SLC24A1: variants seen among roughly 807,000 people sequenced by gnomAD.
The protein encoded by SLC24A1 is solute carrier family 24 member 1, also known as sodium/potassium/calcium exchanger 1.
Under a neutral mutation model 88.1 loss-of-function variants are expected in SLC24A1, and 52 were observed. The ratio of observed to expected loss-of-function variants is 0.59; its 90% CI spans 0.47 to 0.74. The LOEUF (loss-of-function observed/expected upper bound fraction) is 0.74, where lower values mean the gene tolerates loss of function less well. Among genes scored for constraint, SLC24A1 ranks in the 30% least tolerant of loss-of-function variants. The pLI is 0.00. For synonymous variants in SLC24A1, 455 were observed against 498.0 expected (o/e 0.91, Z 1.15); for missense variants, 1,173 against 1,363.3 (o/e 0.86, Z 2.20).
rs564702509 is a variant in SLC24A1 at position 65,639,514 on chromosome 15, G to A, written c.1945-81G>A. On this transcript the variant is annotated intron_variant, in intron 3 of 9. Coordinates refer to ENST00000261892, the MANE Select transcript of SLC24A1 (RefSeq NM_004727.3). Reference sequence around the variant, plus strand: ...CTTTCTCCCTGATCTTTATGGGAAAGAGGCAAGGTTAGTGATGCCCTCGTG... The same window carrying A: ...CTTTCTCCCTGATCTTTATGGGAAAAAGGCAAGGTTAGTGATGCCCTCGTG... The A allele has an allele frequency of 2.3e-5, 19 of 821,570 alleles. No homozygotes were observed. The African/African-American group carries it at 2.9e-4, about 12-fold the overall frequency. The allele number at this position is 821,570 out of a possible 1,614,324, so 50.9% of individuals were successfully genotyped here.
rs75137628 is a variant in SLC24A1 at position 65,654,707 on chromosome 15, CTTTTTTTT to C, written c.*636_*643del. On this transcript the variant is annotated 3_prime_UTR_variant, in exon 10 of 10. Coordinates refer to ENST00000261892, the MANE Select transcript of SLC24A1 (RefSeq NM_004727.3). Reference sequence around the variant, plus strand: ...GCATCTGGATATATACCAGTATTTTCTTTTTTTTTTTTTTTGAGACAGAGTTTGGCTCT... The same window carrying C: ...GCATCTGGATATATACCAGTATTTTCTTTTTTTGAGACAGAGTTTGGCTCT... 2.5e-5 allele frequency: 28 copies of C among 1,120,208 alleles called. No individual in the cohort carries two copies. Among genetic ancestry groups the C allele is most frequent in the African/African-American group, 5.1e-5 (3 of 58,288 alleles). 69.4% of individuals were successfully genotyped at this position (1,120,208 alleles called of 1,614,324 possible). A position where few individuals can be genotyped will look rare whatever the true frequency, so the allele number is the denominator to read the frequency against.
In SLC24A1 at chr15:65,650,498, T is replaced by C. The variant is rs886051351; in HGVS notation, c.2349T>C (p.Gly783=). 116 of 1,550,788 alleles carry C rather than the reference T, an allele frequency of 7.5e-5. No individual in the cohort carries two copies. The highest frequency in any genetic ancestry group is 9.8e-5 in the Non-Finnish European group (112 of 1,146,860). ...SGGETQPEGE[G]ETETQGKGEE... is the part of the protein sequence containing the mutation. ...GTGAAACTCAACCAGAAGGTGAAGG[T>C]GAAACTGAAACACAAGGAAAAGGAG... is the stretch of plus-strand genomic sequence containing the variant. The change falls in exon 7 of 10, where the codon GGT becomes GGC. Residue 783 remains glycine, a synonymous_variant. Transcript: ENST00000261892. The surrounding 1 kb of genome is among the most constrained non-coding windows in gnomAD (Gnocchi z 4.1).
At position 65,650,677 on chromosome 15, in the gene SLC24A1, A is replaced by C; in HGVS notation, c.2528A>C (p.Asn843Thr). The C allele has an allele frequency of 6.5e-7, 1 of 1,547,222 alleles. No individual in the cohort carries two copies. The highest frequency in any genetic ancestry group is 1.2e-5 in the South Asian group (1 of 83,524). ...GCTGAAAATCACGGTGAAGCCAAAA[A>C]TGATGAGAAAGGTGTAGAAGATGGA... is the stretch of plus-strand genomic sequence containing the variant. ...LSAENHGEAKNDEKGVEDGGG... is the reference protein window; with the variant it reads ...LSAENHGEAKTDEKGVEDGGG... Residue 843 changes from asparagine to threonine, a missense_variant, in exon 7 of 10, where the codon AAT (asparagine) becomes ACT (threonine). By Grantham distance (65) the Asn-to-Thr change is moderately conservative. Transcript: ENST00000261892. The surrounding 1 kb of genome is among the most constrained non-coding windows in gnomAD (Gnocchi z 4.1).
chr15:65,624,889 C>G lies in SLC24A1; in HGVS notation c.809C>G (p.Thr270Ser). The G allele has an allele frequency of 6.2e-7, 1 of 1,614,016 alleles. No homozygotes were observed. Among genetic ancestry groups the G allele is most frequent in the Non-Finnish European group, 8.5e-7 (1 of 1,179,890 alleles). The change falls in exon 2 of 10, where the codon ACT becomes AGT. Residue 270 changes from threonine (T) to serine (S), a missense_variant. Coordinates refer to ENST00000261892, the MANE Select transcript of SLC24A1 (RefSeq NM_004727.3). ...LTHEVEANVL[T>S]SPRSVMEKNN... ...CATGAGGTAGAAGCAAACGTCTTGA[C>G]TTCTCCAAGGAGCGTCATGGAAAAA...
At chr15:65,631,187 A>T (rs78213324) in intron 2 of SLC24A1, among the ~76,000 whole-genome samples, 2 of 152,238 alleles carry the variant, frequency 1.3e-5, no homozygotes, top group African/African-American at 4.8e-5. Context: ...CATACAACCC[A>T]GTAATATTTT....
At position 65,656,111 on chromosome 15, in the gene SLC24A1, C is replaced by T. The variant is rs1263516103; in HGVS notation, c.*2032C>T. 1.1e-5 allele frequency: 11 copies of T among 985,320 alleles called. No homozygotes were observed. In the Admixed American group the frequency reaches 3.7e-4, roughly 33 times the overall value. The allele number at this position is 985,320 out of a possible 1,614,324, so 61.0% of individuals were successfully genotyped here. On this transcript the variant is annotated 3_prime_UTR_variant, in exon 10 of 10. Transcript: ENST00000261892. The stretch of plus-strand genomic sequence containing the variant: ...TAACCTGGTGTCTGCAGCCCGTTCC[C>T]GTTAGCCTCGGGGATGTCACCTCAC...
rs371108837 is a variant in SLC24A1, at chr15:65,625,854, G to T, written c.1774G>T (p.Ala592Ser). Residue 592 changes from alanine (A) to serine (S), a missense_variant, in exon 2 of 10, where the codon GCC becomes TCC. By Grantham distance (99) the Ala-to-Ser change is moderately conservative. Transcript: ENST00000261892. ...GTGGGAGAGCCTGCTGCTGCTGCTG[G>T]CCTATGCCTTCTATGTGTTCACCAT... ...AWWESLLLLL[A>S]YAFYVFTMKW... 3 of 1,613,880 alleles carry T rather than the reference G, an allele frequency of 1.9e-6. No homozygotes were observed. In the East Asian group the frequency reaches 6.7e-5, roughly 36 times the overall value.
In SLC24A1 at chr15:65,655,845, T is replaced by C; in HGVS notation, c.*1766T>C. Reference sequence around the variant, plus strand: ...ATTTTTATTAAATTTCAATAAACTGTGAATCCCAATGGTATTTTACTTTAC... The same window carrying C: ...ATTTTTATTAAATTTCAATAAACTGCGAATCCCAATGGTATTTTACTTTAC... On this transcript the variant is annotated 3_prime_UTR_variant, in exon 10 of 10. Transcript: ENST00000261892. 2 of 984,890 alleles carry C rather than the reference T, an allele frequency of 2.0e-6. No individual in the cohort carries two copies. Among genetic ancestry groups the C allele is most frequent in the Non-Finnish European group, 2.4e-6 (2 of 829,430 alleles). The allele number at this position is 984,890 out of a possible 1,614,324, so 61.0% of individuals were successfully genotyped here. A position where few individuals can be genotyped will look rare whatever the true frequency, so the allele number is the denominator to read the frequency against.
At chr15:65,652,520 T>A in intron 8 of SLC24A1, 122 bp from the exon 9 acceptor site, 1 of 820,460 alleles carries the variant, frequency 1.2e-6, no homozygotes, top group South Asian at 1.8e-5. Context: ...CCTTCCTCAC[T>A]CAGGCTGAGG....
chr15:65,628,411 TAGA>T (rs1225715881), intron 2 of SLC24A1, among the ~76,000 whole-genome samples: 1 of 152,250 alleles, frequency 6.6e-6, no homozygotes, highest in Non-Finnish European at 1.5e-5. Flanking sequence ...GTCTTGTTCT[TAGA>T]AGAAGTTCCA....
In SLC24A1 at chr15:65,645,617, G is replaced by A. The variant is rs2141658848; in HGVS notation, c.2146G>A (p.Glu716Lys). The A allele has an allele frequency of 6.4e-7, 1 of 1,565,742 alleles. No homozygotes were observed. ...AKAESKPEEE[E>K]PAKLPAVTVT... ...CCCATGTTTATCCTTTAAAGAGGAGGAGCCAGCCAAGCTCCCTGCGGTCAC... is the reference window on the plus strand; with the variant it reads ...CCCATGTTTATCCTTTAAAGAGGAGAAGCCAGCCAAGCTCCCTGCGGTCAC... The change falls in exon 6 of 10, where the codon GAG (glutamate) becomes AAG (lysine). Residue 716 changes from glutamate (E) to lysine (K), a missense_variant. Coordinates refer to ENST00000261892, the MANE Select transcript of SLC24A1 (RefSeq NM_004727.3).
At chr15:65,640,765 A>G (rs557121654) in intron 4 of SLC24A1, among the ~76,000 whole-genome samples, 5 of 151,898 alleles carry the variant, frequency 3.3e-5, no homozygotes, top group Non-Finnish European at 5.9e-5. Context: ...AGTTGTTTTA[A>G]AAAAAAATAC....
chr15:65,657,895 C>A (rs1596365212), downstream of SLC24A1, among the ~76,000 whole-genome samples: 1 of 152,202 alleles, frequency 6.6e-6, no homozygotes, highest in African/African-American at 2.4e-5. Flanking sequence ...CACTTCTGGT[C>A]TTTAGGTCCT....
At position 65,624,084 on chromosome 15, in the gene SLC24A1, G is replaced by A; in HGVS notation, c.4G>A (p.Gly2Arg). 1 of 1,580,514 alleles carries A rather than the reference G, an allele frequency of 6.3e-7. No homozygotes were observed. Among genetic ancestry groups the A allele is most frequent in the African/African-American group, 1.4e-5 (1 of 73,522 alleles). Residue 2 changes from glycine (G) to arginine (R), a missense_variant, in exon 2 of 10, where the codon GGG becomes AGG. Gly to Arg is a moderately radical substitution (Grantham distance 125, BLOSUM62 -2). Transcript: ENST00000261892. ...TAACCAGATATAACTGGCCAGCATGGGGAAATTGATCAGGATGGGGCCGCA... is the reference window on the plus strand; with the variant it reads ...TAACCAGATATAACTGGCCAGCATGAGGAAATTGATCAGGATGGGGCCGCA... The part of the protein sequence containing the change: M[G>R]KLIRMGPQER...
At chr15:65,658,384 C>G (rs1198362034), downstream of SLC24A1, 1 of 152,206 alleles carries the variant, frequency 6.6e-6, no homozygotes, top group African/African-American at 2.4e-5. Flanking sequence ...AAGAGACAGC[C>G]TGCTCTTTCT....
chr15:65,642,965 C>T, intron 4 of SLC24A1: 2 of 1,284,202 alleles, frequency 1.6e-6, no homozygotes, highest in South Asian at 1.2e-5. Flanking sequence ...TAACTCGGAC[C>T]CTCTGGGATG....
rs1159849637 is a variant in SLC24A1, at chr15:65,624,314, C to T, written c.234C>T (p.Ser78=). 3.1e-6 allele frequency: 5 copies of T among 1,613,548 alleles called. 1 individual carries two copies. The highest frequency in any genetic ancestry group is 4.2e-6 in the Non-Finnish European group (5 of 1,179,790). The change falls in exon 2 of 10, where the codon AGC becomes AGT. Residue 78 remains serine, a synonymous_variant. Transcript: ENST00000261892. The part of the protein sequence containing the change: ...SSEEMMMMSS[S]PSKPSSEMGG... ...AAGAGATGATGATGATGAGCAGCAG[C>T]CCTTCAAAACCTAGCTCCGAAATGG...
At position 65,650,726 on chromosome 15, in the gene SLC24A1, CGAAGAGGAGGAA is replaced by C. The variant is rs1332370511; in HGVS notation, c.2580_2591del (p.Glu865_Glu868del). On this transcript the variant is annotated inframe_deletion, in exon 7 of 10. Coordinates refer to ENST00000261892, the MANE Select transcript of SLC24A1 (RefSeq NM_004727.3). The surrounding 1 kb of genome is among the most constrained non-coding windows in gnomAD (Gnocchi z 4.1). ...GAGGGGGAAGTGATGGAGGGGATAG[CGAAGAGGAGGAA>C]GAGGAGGAGGAAGAGCAGGAGGAAG... The C allele has an allele frequency of 3.8e-6, 6 of 1,565,898 alleles. No homozygotes were observed. The Admixed American group carries it at 5.7e-5, about 15-fold the overall frequency.
rs1231025115 is a variant in SLC24A1, at chr15:65,625,645, A to T, written c.1565A>T (p.Asn522Ile). 1.2e-6 allele frequency: 2 copies of T among 1,613,802 alleles called. No individual in the cohort carries two copies. The highest frequency in any genetic ancestry group is 2.7e-5 in the African/African-American group (2 of 74,908). The change falls in exon 2 of 10, where the codon AAC becomes ATC. Residue 522 changes from asparagine (N) to isoleucine (I), a missense_variant. Physicochemically the swap from Asn to Ile is moderately radical, Grantham distance 149. Transcript: ENST00000261892. ...SLIGVFISHS[N>I]VGIGTIVGSA... ...ATCGGTGTCTTCATTTCCCACAGCAACGTGGGCATTGGTACCATTGTGGGC... is the reference window on the plus strand; with the variant it reads ...ATCGGTGTCTTCATTTCCCACAGCATCGTGGGCATTGGTACCATTGTGGGC...
Sources: gnomAD v4.1 joint callset for allele counts (sites outside exome capture counted in the v4.1 genomes callset) on GRCh38, gnomAD v4.1.1 for gene constraint, Gnocchi (gnomAD v3.1) non-coding constraint, MANE v1.5 for transcripts, NCBI Gene and HGNC (gene_info 2026-07-23, HGNC 2026-07-21) for gene names.